The following RARB variants were observed in gnomAD, a reference collection of about 807,000 sequenced individuals.
RARB encodes the protein retinoic acid receptor beta, also known as HBV-activated protein.
RARB carries 17 observed loss-of-function variants against 51.9 expected under a neutral mutation model. The ratio of observed to expected loss-of-function variants is 0.33; its 90% CI spans 0.22 to 0.49. RARB has a LOEUF of 0.49. RARB is among the 20% of genes least tolerant of loss of function. The pLI is 0.99. For missense variants in RARB, 369 were observed against 550.8 expected, an observed-to-expected ratio of 0.67 and a Z score of 3.30; for synonymous variants, 215 against 195.4, an observed-to-expected ratio of 1.10 and a Z score of -0.84.
intron 3 of RARB, among the ~76,000 whole-genome samples, chr3:25,566,683 G>A (rs948956070): frequency 6.6e-6 from 1 of 152,122 alleles, no homozygotes; most frequent in African/African-American, 2.4e-5. Flanking sequence ...TAACCCTCTA[G>A]AGCTGGGTTT....
intron 5 of RARB, among the ~76,000 whole-genome samples, chr3:25,353,434 C>T (rs185985284): frequency 1.1e-4 from 16 of 152,050 alleles, no homozygotes; most frequent in East Asian, 1.9e-4. Context: ...TTGTTTTCTG[C>T]GCTTGGCAGT....
intron 2 of RARB, among the ~76,000 whole-genome samples, chr3:25,044,224 T>TA (rs549599369): frequency 3.3e-5 from 5 of 152,232 alleles, no homozygotes; most frequent in Admixed American, 6.5e-5. Flanking sequence ...CTTCAAGGAC[T>TA]AATGACAGCT....
intron 2 of RARB, among the ~76,000 whole-genome samples, chr3:25,473,928 A>AAAAAAAAAAC (rs1695832327): frequency 6.6e-6 from 1 of 151,612 alleles, no homozygotes; most frequent in East Asian, 1.9e-4. Flanking sequence ...CAGGAAAAAA[A>AAAAAAAAAAC]AAAAACCTTT....
intron 2 of RARB, among the ~76,000 whole-genome samples, chr3:24,942,943 A>G (rs908113190): frequency 6.6e-6 from 1 of 152,218 alleles, no homozygotes; most frequent in Non-Finnish European, 1.5e-5. Context: ...AAGAGAACCA[A>G]GGTAGATTTG....
chr3:25,312,023 A>T (rs558822239), intron 5 of RARB, among the ~76,000 whole-genome samples: 1 of 152,364 alleles, frequency 6.6e-6, no homozygotes, highest in South Asian at 2.1e-4. Context: ...GAAAAAATAA[A>T]TGCTTATGTT....
At chr3:24,891,335 G>T (rs763114876) in intron 2 of RARB, among the ~76,000 whole-genome samples, 2 of 152,062 alleles carry the variant, frequency 1.3e-5, no homozygotes, top group African/African-American at 4.8e-5. Context: ...TGTCTACATT[G>T]GAAGCTTGTC....
At chr3:25,489,811 A>G (rs1421768707) in intron 2 of RARB, among the ~76,000 whole-genome samples, 1 of 152,242 alleles carries the variant, frequency 6.6e-6, no homozygotes, top group Non-Finnish European at 1.5e-5. Flanking sequence ...GGCCTGGGTA[A>G]GTATGACTGG....
chr3:25,592,999 T>C (rs186821516), intron 5 of RARB, among the ~76,000 whole-genome samples: 67 of 152,304 alleles, frequency 4.4e-4, no homozygotes, highest in African/African-American at 1.6e-3. Context: ...ACCTAACCTT[T>C]CTGAGCCTTA....
At chr3:25,056,269 C>T (rs954739570) in intron 2 of RARB, among the ~76,000 whole-genome samples, 1 of 152,092 alleles carries the variant, frequency 6.6e-6, no homozygotes, top group African/African-American at 2.4e-5. Flanking sequence ...TGAGAGAAAG[C>T]TTCCAAATGG....
At chr3:25,321,984 A>G (rs1412716309) in intron 5 of RARB, among the ~76,000 whole-genome samples, 1 of 152,168 alleles carries the variant, frequency 6.6e-6, no homozygotes, top group African/African-American at 2.4e-5. Context: ...TTAAAAGATA[A>G]TAGTTGAAGG....
chr3:24,991,487 T>A (rs994280378), intron 2 of RARB, among the ~76,000 whole-genome samples: 27 of 151,862 alleles, frequency 1.8e-4, no homozygotes, highest in African/African-American at 6.5e-4. Context: ...AAATTAGCAT[T>A]TTGGTCCTTC....
At chr3:24,987,784 C>T (rs921267954) in intron 2 of RARB, among the ~76,000 whole-genome samples, 6 of 152,082 alleles carry the variant, frequency 3.9e-5, no homozygotes, top group Non-Finnish European at 8.8e-5. Flanking sequence ...CTCTTTCAGC[C>T]CCCTATTTGA....
intron 5 of RARB, among the ~76,000 whole-genome samples, chr3:25,257,377 G>A (rs1262026751): frequency 6.6e-6 from 1 of 151,950 alleles, no homozygotes; most frequent in Admixed American, 6.6e-5. Flanking sequence ...GTATGAACAG[G>A]GCATTTAGCC....
intron 2 of RARB, among the ~76,000 whole-genome samples, chr3:24,901,037 C>T (rs1466270177): frequency 1.3e-5 from 2 of 152,196 alleles, no homozygotes; most frequent in Non-Finnish European, 2.9e-5. Flanking sequence ...TTTTTCCCTC[C>T]ACTAGTGGAA....
intron 5 of RARB, among the ~76,000 whole-genome samples, chr3:25,416,243 G>C (rs535931380): frequency 2.0e-5 from 3 of 152,244 alleles, no homozygotes; most frequent in East Asian, 1.9e-4. Flanking sequence ...AAAACAATTA[G>C]TCAGGCATGG....
chr3:25,229,795 G>A (rs1039779012), intron 5 of RARB, among the ~76,000 whole-genome samples: 5 of 146,306 alleles, frequency 3.4e-5, no homozygotes, highest in African/African-American at 1.3e-4. Flanking sequence ...TCCTACCTTC[G>A]TGTTCCTTCT....
At chr3:24,992,677 A>G (rs1023210727) in intron 2 of RARB, among the ~76,000 whole-genome samples, 1 of 151,972 alleles carries the variant, frequency 6.6e-6, no homozygotes, top group Non-Finnish European at 1.5e-5. Context: ...TCCTTGGCTT[A>G]TAGATGGCCA....
At chr3:25,398,368 A>T (rs1468646115) in intron 5 of RARB, among the ~76,000 whole-genome samples, 1 of 152,226 alleles carries the variant, frequency 6.6e-6, no homozygotes, top group Admixed American at 6.5e-5. Context: ...GGGGAAAGAA[A>T]AGCCACAATA....
At chr3:25,516,233 T>A (rs1039407536) in intron 3 of RARB, among the ~76,000 whole-genome samples, 2 of 152,148 alleles carry the variant, frequency 1.3e-5, no homozygotes, top group African/African-American at 4.8e-5. Flanking sequence ...CTTTACAACT[T>A]GTTATATTTG....
Sources: gnomAD v4.1 joint callset for allele counts (sites outside exome capture counted in the v4.1 genomes callset) on GRCh38, gnomAD v4.1.1 for gene constraint, MANE v1.5 for transcripts, NCBI Gene and HGNC (gene_info 2026-07-23, HGNC 2026-07-21) for gene names.